Variants in ZSWIM5 observed in about 807,000 individuals in gnomAD.
The protein encoded by ZSWIM5 is zinc finger SWIM domain-containing protein 5.
In ZSWIM5, 55 loss-of-function variants were observed where a neutral mutation model predicts 119.6. The observed-to-expected ratio is 0.46, with a 90% confidence interval of 0.37 to 0.58. ZSWIM5 has a LOEUF of 0.58. Among genes scored for constraint, ZSWIM5 ranks in the 20% least tolerant of loss-of-function variants. ZSWIM5 has a pLI of 0.00. For synonymous variants in ZSWIM5, 537 were observed against 606.9 expected (o/e 0.88, Z 1.69); for missense variants, 1,193 against 1,512.8 (o/e 0.79, Z 3.51).
intron 1 of ZSWIM5, among the ~76,000 whole-genome samples, chr1:45,196,059 A>T (rs1344035037): frequency 1.1e-5 from 1 of 95,114 alleles, no homozygotes; most frequent in African/African-American, 3.9e-5. Flanking sequence ...TTTTTTTTTT[A>T]AAGATGAGGT....
At chr1:45,022,557 G>A (rs931819374) in intron 11 of ZSWIM5, among the ~76,000 whole-genome samples, 1 of 152,190 alleles carries the variant, frequency 6.6e-6, no homozygotes, top group African/African-American at 2.4e-5. Context: ...TTATGCAAGA[G>A]ATTCCCTTTA....
rs1028732056 is a variant in ZSWIM5 at position 45,072,718 on chromosome 1, A to T, written c.953-12471T>A. ...TGTATGTTCTTGGCACCTTTGTAAC[A>T]AATGAGTTCAGTGTACGTGTGTGGA... On this transcript the variant is annotated intron_variant, in intron 2 of 13. Transcript: ENST00000359600. The surrounding 1 kb of genome is among the most constrained non-coding windows in gnomAD (Gnocchi z 4.1). Among the ~76,000 whole-genome samples the T allele has an allele frequency of 6.6e-6, 1 of 152,028 alleles. No individual in the cohort carries two copies.
intron 1 of ZSWIM5, among the ~76,000 whole-genome samples, chr1:45,156,721 T>TAAA (rs763479350): frequency 8.0e-6 from 1 of 124,614 alleles, no homozygotes; most frequent in African/African-American, 3.0e-5. Context: ...TGTGGGAAGT[T>TAAA]AAAAAAAAAA....
In ZSWIM5 at chr1:45,114,366, A is replaced by G. The variant is rs142522234; in HGVS notation, c.596-26129T>C. 2.4e-3 allele frequency among the ~76,000 whole-genome samples: 360 copies of G among 152,348 alleles called. 4 individuals carry two copies. The highest frequency in any genetic ancestry group is 8.4e-3 in the African/African-American group (351 of 41,588). ...TATAAAATAAAATAAATTGTAAGAC[A>G]AGGAATGTATACCAGAGATGAAGGA... On this transcript the variant is annotated intron_variant, in intron 1 of 13. Coordinates refer to ENST00000359600, the MANE Select transcript of ZSWIM5 (RefSeq NM_020883.2).
chr1:45,021,029 A>G (rs1569979778), intron 11 of ZSWIM5, among the ~76,000 whole-genome samples: 2 of 144,302 alleles, frequency 1.4e-5, no homozygotes. Context: ...AATACCCTCT[A>G]CCCTCAGGAT....
chr1:45,134,999 T>C (rs1645680610), intron 1 of ZSWIM5, among the ~76,000 whole-genome samples: 1 of 152,226 alleles, frequency 6.6e-6, no homozygotes, highest in Non-Finnish European at 1.5e-5. Flanking sequence ...GACATTTGGG[T>C]TGTGTCCACC....
rs1171121260 is a variant in ZSWIM5, at chr1:45,027,102, CT to C, written c.2450-6315del. On this transcript the variant is annotated intron_variant, in intron 11 of 13. Coordinates refer to ENST00000359600, the MANE Select transcript of ZSWIM5 (RefSeq NM_020883.2). ...ATGATATGAGTAATTTAGATCTCCT[CT>C]TTTTTTTTTTTCGTGGTTAGCCTAA... Among the ~76,000 whole-genome samples the C allele has an allele frequency of 6.0e-3, 828 of 136,990 alleles. 31 individuals carry two copies. Among genetic ancestry groups the C allele is most frequent in the East Asian group, 0.05 (234 of 4,694 alleles). 89.9% of individuals were successfully genotyped at this position (136,990 alleles called of 152,430 possible).
intron 11 of ZSWIM5, among the ~76,000 whole-genome samples, chr1:45,024,574 G>T (rs1644909606): frequency 6.6e-6 from 1 of 151,804 alleles, no homozygotes; most frequent in South Asian, 2.1e-4. Context: ...TGTGCTTTTG[G>T]TGTTGTATCT....
In ZSWIM5 at chr1:45,039,090, T is replaced by C; in HGVS notation, c.1757-17A>G. ...GCAACAGTTCTGGAAACAAGCAGGT[T>C]AAAATTTTAGACAGTGATAGAGACA... is the stretch of plus-strand genomic sequence containing the variant. On this transcript the variant is annotated splice_polypyrimidine_tract_variant and intron_variant, in intron 7 of 13. Coordinates refer to ENST00000359600, the MANE Select transcript of ZSWIM5 (RefSeq NM_020883.2). 1 of 1,613,864 alleles carries C rather than the reference T, an allele frequency of 6.2e-7. No individual in the cohort carries two copies. Among genetic ancestry groups the C allele is most frequent in the Non-Finnish European group, 8.5e-7 (1 of 1,179,832 alleles).
chr1:45,151,267 A>G (rs913106877), intron 1 of ZSWIM5, among the ~76,000 whole-genome samples: 1 of 151,990 alleles, frequency 6.6e-6, no homozygotes, highest in Non-Finnish European at 1.5e-5. Context: ...AAAATGGTCT[A>G]TGTCAACCTT....
At chr1:45,161,599 T>C (rs1028330143) in intron 1 of ZSWIM5, among the ~76,000 whole-genome samples, 2 of 151,920 alleles carry the variant, frequency 1.3e-5, no homozygotes, top group African/African-American at 4.8e-5. Flanking sequence ...TCCCCCCACA[T>C]TTTTTTTGGC....
chr1:45,101,954 G>A (rs346727), intron 1 of ZSWIM5, among the ~76,000 whole-genome samples: 1 of 151,902 alleles, frequency 6.6e-6, no homozygotes, highest in Non-Finnish European at 1.5e-5. Flanking sequence ...ACGAGTTAAT[G>A]AGTGCAGCAA....
intron 1 of ZSWIM5, among the ~76,000 whole-genome samples, chr1:45,135,476 T>C (rs1645683640): frequency 6.6e-6 from 1 of 152,244 alleles, no homozygotes. Flanking sequence ...TTTAGCTTTA[T>C]ATAAACAACT....
chr1:45,174,215 A>T (rs1645961953), intron 1 of ZSWIM5, among the ~76,000 whole-genome samples: 1 of 152,128 alleles, frequency 6.6e-6, no homozygotes, highest in South Asian at 2.1e-4. Context: ...CAGAGGTTGC[A>T]GTGAGCCAAG....
At chr1:45,119,313 A>G (rs1056874456) in intron 1 of ZSWIM5, among the ~76,000 whole-genome samples, 10 of 152,218 alleles carry the variant, frequency 6.6e-5, no homozygotes, top group African/African-American at 2.4e-4. Context: ...CTCACACTGC[A>G]GTAAAAGGTC....
intron 1 of ZSWIM5, among the ~76,000 whole-genome samples, chr1:45,163,971 G>A (rs185300529): frequency 1.1e-3 from 173 of 152,128 alleles, no homozygotes; most frequent in Non-Finnish European, 1.7e-3. Context: ...TACATAGAAC[G>A]CCACAAAGAT....
chr1:45,204,731 ATTTTC>A (rs1646176958), intron 1 of ZSWIM5, among the ~76,000 whole-genome samples: 1 of 152,168 alleles, frequency 6.6e-6, no homozygotes, highest in African/African-American at 2.4e-5. Flanking sequence ...AAAAATCAGT[ATTTTC>A]TTCAATTAAT....
At chr1:45,112,373 C>A (rs894169668) in intron 1 of ZSWIM5, among the ~76,000 whole-genome samples, 6 of 152,064 alleles carry the variant, frequency 3.9e-5, no homozygotes, top group Non-Finnish European at 7.4e-5. Flanking sequence ...ACCTGAAGTA[C>A]AAATAAGTAT....
At chr1:45,025,855 C>A (rs933981754) in intron 11 of ZSWIM5, among the ~76,000 whole-genome samples, 3 of 152,150 alleles carry the variant, frequency 2.0e-5, no homozygotes, top group Non-Finnish European at 4.4e-5. Context: ...TTTATTGGGA[C>A]ATAACCCTGT....
Sources: gnomAD v4.1 joint callset for allele counts (sites outside exome capture counted in the v4.1 genomes callset) on GRCh38, gnomAD v4.1.1 for gene constraint, Gnocchi (gnomAD v3.1) non-coding constraint, MANE v1.5 for transcripts, NCBI Gene and HGNC (gene_info 2026-07-23, HGNC 2026-07-21) for gene names.